The following LANCL1 variants were observed in gnomAD, a reference collection of about 807,000 sequenced individuals.
LANCL1 encodes the protein LanC like glutathione S-transferase 1.
In LANCL1, 50 loss-of-function variants were observed where a neutral mutation model predicts 50.6. The ratio of observed to expected loss-of-function variants is 0.99; its 90% CI spans 0.79 to 1.25. The LOEUF is 1.25. LANCL1 is among the 50% of genes most tolerant of loss of function. The pLI is 0.00. For synonymous variants in LANCL1, 188 were observed against 178.6 expected (o/e 1.05, Z -0.42); for missense variants, 532 against 480.7 (o/e 1.11, Z -1.00).
intron 3 of LANCL1, among the ~76,000 whole-genome samples, chr2:210,458,102 G>C (rs1183556374): frequency 6.6e-6 from 1 of 152,176 alleles, no homozygotes; most frequent in Non-Finnish European, 1.5e-5. Flanking sequence ...AGCAGTCATC[G>C]TCTAAGGACC....
At chr2:210,471,776 A>G (rs1694230637) in intron 3 of LANCL1, 183 bp downstream of exon 3, 1 of 742,934 alleles carries the variant, frequency 1.3e-6, no homozygotes, top group African/African-American at 1.7e-5. Flanking sequence ...TCAGGGCACT[A>G]TTAAAAACCC....
intron 8 of LANCL1, among the ~76,000 whole-genome samples, chr2:210,435,843 A>G (rs896165535): frequency 2.0e-5 from 3 of 151,530 alleles, no homozygotes; most frequent in Admixed American, 6.6e-5. Flanking sequence ...GGGATAAATG[A>G]ATTAAATCAG....
At chr2:210,459,181 A>G (rs1693762023) in intron 3 of LANCL1, among the ~76,000 whole-genome samples, 1 of 152,088 alleles carries the variant, frequency 6.6e-6, no homozygotes, top group Admixed American at 6.6e-5. Context: ...ATTATTTTAT[A>G]TTTAATAAAT....
At chr2:210,476,760 G>T (rs544650631), upstream of LANCL1, 37 of 1,034,032 alleles carry the variant, frequency 3.6e-5, no homozygotes, top group African/African-American at 4.2e-4. Flanking sequence ...CTATTTTACC[G>T]CCCAGTTCCT....
intron 6 of LANCL1, among the ~76,000 whole-genome samples, chr2:210,438,226 C>G (rs772474894): frequency 1.9e-4 from 29 of 151,440 alleles, no homozygotes; most frequent in Non-Finnish European, 4.0e-4. Context: ...CCTCCACCTC[C>G]CGGGTTCAAG....
intron 3 of LANCL1, among the ~76,000 whole-genome samples, chr2:210,470,496 T>C (rs1317588341): frequency 6.6e-6 from 1 of 152,208 alleles, no homozygotes; most frequent in Non-Finnish European, 1.5e-5. Context: ...ACAAGTGTTT[T>C]GGATTTCAAA....
chr2:210,450,508 C>T lies in LANCL1; in HGVS notation c.407+4599G>A, dbSNP rs944502696. Among the ~76,000 whole-genome samples the T allele has an allele frequency of 2.0e-5, 3 of 152,116 alleles. No homozygotes were observed. The East Asian group carries it at 5.8e-4, about 29-fold the overall frequency. ...AATTGACAAATGGGATCTAATTAAA[C>T]TAAAGAGCTTCTGAATATCAGAAGA... On this transcript the variant is annotated intron_variant, in intron 4 of 9. Transcript: ENST00000450366.
chr2:210,468,463 G>C (rs1052074518), intron 3 of LANCL1: 1 of 152,134 alleles, frequency 6.6e-6, no homozygotes, highest in Non-Finnish European at 1.5e-5. Context: ...AAGACTACTA[G>C]GTCTTATCCC....
chr2:210,445,268 T>G (rs1428308624), intron 4 of LANCL1, among the ~76,000 whole-genome samples: 1 of 152,214 alleles, frequency 6.6e-6, no homozygotes, highest in Non-Finnish European at 1.5e-5. Flanking sequence ...AACCACGGCA[T>G]TAACTCCATT....
intron 4 of LANCL1, chr2:210,442,639 G>C (rs531677073): frequency 6.6e-6 from 1 of 152,298 alleles, no homozygotes; most frequent in Admixed American, 6.5e-5. Context: ...TCTCTGAAAA[G>C]CAAACAGTAA....
intron 4 of LANCL1, among the ~76,000 whole-genome samples, chr2:210,449,045 CA>C (rs1365904185): frequency 1.3e-5 from 2 of 151,690 alleles, no homozygotes; most frequent in Non-Finnish European, 2.9e-5. Context: ...AGAGACACAA[CA>C]AAAAAAAGAA....
chr2:210,435,599 A>G, intron 8 of LANCL1, 140 bp from the exon 9 acceptor site: 1 of 684,480 alleles, frequency 1.5e-6, no homozygotes, highest in East Asian at 2.6e-5. Context: ...TGCAGAGAAA[A>G]GGATGGTTTG....
chr2:210,447,186 G>A (rs916972445), intron 4 of LANCL1, among the ~76,000 whole-genome samples: 2 of 152,138 alleles, frequency 1.3e-5, no homozygotes. Context: ...AAGACAGTGG[G>A]GGCCAATATT....
chr2:210,450,411 T>C (rs1182648486), intron 4 of LANCL1, among the ~76,000 whole-genome samples: 2 of 152,106 alleles, frequency 1.3e-5, no homozygotes, highest in African/African-American at 2.4e-5. Context: ...ACCTAGGCAA[T>C]ACCATTCAGG....
At chr2:210,457,487 AAC>A (rs1296128893) in intron 3 of LANCL1, among the ~76,000 whole-genome samples, 1 of 152,176 alleles carries the variant, frequency 6.6e-6, no homozygotes, top group Non-Finnish European at 1.5e-5. Flanking sequence ...GGGAAATAAA[AAC>A]ACAACTTCAC....
chr2:210,434,938 C>T (rs1692872506), intron 9 of LANCL1, among the ~76,000 whole-genome samples: 1 of 152,048 alleles, frequency 6.6e-6, no homozygotes, highest in East Asian at 1.9e-4. Flanking sequence ...TCTACGTTTA[C>T]ATACACTGCA....
At chr2:210,447,751 GAC>G (rs1309037826) in intron 4 of LANCL1, among the ~76,000 whole-genome samples, 1 of 152,076 alleles carries the variant, frequency 6.6e-6, no homozygotes, top group Non-Finnish European at 1.5e-5. Context: ...GATCAAAAGA[GAC>G]AAAGAAGGCC....
At chr2:210,457,433 C>T (rs950526598) in intron 3 of LANCL1, among the ~76,000 whole-genome samples, 1 of 152,092 alleles carries the variant, frequency 6.6e-6, no homozygotes, top group African/African-American at 2.4e-5. Context: ...CATACACCAC[C>T]ACCTTTGAAT....
rs558906453 is a variant in LANCL1, at chr2:210,433,663, C to T, written c.*824G>A. Reference sequence around the variant, plus strand: ...ATATTCATACATAGAAAATTGGCTTCCTGATCTTATTTGAATACTGAAAAA... The same window carrying T: ...ATATTCATACATAGAAAATTGGCTTTCTGATCTTATTTGAATACTGAAAAA... On this transcript the variant is annotated 3_prime_UTR_variant, in exon 10 of 10. Coordinates refer to ENST00000450366, the MANE Select transcript of LANCL1 (RefSeq NM_006055.3). 4.3e-4 allele frequency: 66 copies of T among 152,188 alleles called. No homozygotes were observed. The highest frequency in any genetic ancestry group is 1.5e-3 in the African/African-American group (64 of 41,540). 9.4% of individuals were successfully genotyped at this position (152,188 alleles called of 1,614,324 possible).
Sources: allele counts gnomAD v4.1 joint callset (sites outside exome capture counted in the v4.1 genomes callset), GRCh38; gene constraint gnomAD v4.1.1; transcripts MANE v1.5; gene names NCBI Gene and HGNC (gene_info 2026-07-23, HGNC 2026-07-21).